The following HMBOX1 variants were observed in gnomAD, a reference collection of about 807,000 sequenced individuals.
HMBOX1 encodes homeobox containing 1.
In HMBOX1, 14 loss-of-function variants were observed where a neutral mutation model predicts 54.5. The ratio of observed to expected loss-of-function variants is 0.26; its 90% CI spans 0.17 to 0.40. The LOEUF (loss-of-function observed/expected upper bound fraction) is 0.40. HMBOX1 is among the 10% of genes least tolerant of loss of function. The probability of loss-of-function intolerance (pLI) is 1.00; values close to 1 mark genes in which losing one functional copy is unlikely to be tolerated. For synonymous variants in HMBOX1, 160 were observed against 181.0 expected (o/e 0.88, Z 0.93); for missense variants, 332 against 514.4 (o/e 0.65, Z 3.43).
At chr8:28,900,265 A>ATATATATATATATATATATAT (rs1311095400) in intron 1 of HMBOX1, among the ~76,000 whole-genome samples, 1 of 39,816 alleles carries the variant, frequency 2.5e-5, no homozygotes, top group Non-Finnish European at 8.2e-5. Flanking sequence ...AAAAAAAAAA[A>ATATATATATATATATATATAT]AAAAAAATAT....
At chr8:28,900,271 A>AAAATATATATATAT (rs747317282) in intron 1 of HMBOX1, among the ~76,000 whole-genome samples, 1 of 70,334 alleles carries the variant, frequency 1.4e-5, no homozygotes, top group African/African-American at 4.6e-5. Context: ...AAAAAAAAAA[A>AAAATATATATATAT]ATATATATAT....
At chr8:28,966,768 C>T (rs1411328192) in intron 2 of HMBOX1, among the ~76,000 whole-genome samples, 2 of 152,174 alleles carry the variant, frequency 1.3e-5, no homozygotes, top group South Asian at 4.1e-4. Flanking sequence ...TTGTTATGCT[C>T]TTAATCACTT....
chr8:29,010,018 A>G (rs1834022614), intron 5 of HMBOX1: 1 of 984,536 alleles, frequency 1.0e-6, no homozygotes, highest in Non-Finnish European at 1.2e-6. Context: ...GCTCTGAGGT[A>G]GAAATAAAGA....
At chr8:29,011,815 C>T (rs1209575680) in intron 5 of HMBOX1, among the ~76,000 whole-genome samples, 3 of 152,026 alleles carry the variant, frequency 2.0e-5, no homozygotes, top group Non-Finnish European at 4.4e-5. Flanking sequence ...GAAGGTAGAA[C>T]TAGGGAATTG....
At chr8:29,026,501 A>C (rs1445761214) in intron 6 of HMBOX1, among the ~76,000 whole-genome samples, 1 of 152,148 alleles carries the variant, frequency 6.6e-6, no homozygotes, top group African/African-American at 2.4e-5. Context: ...GCCTTAAATA[A>C]GTGAAGTTTT....
chr8:28,908,036 A>G (rs750017521), intron 1 of HMBOX1, among the ~76,000 whole-genome samples: 5 of 151,910 alleles, frequency 3.3e-5, no homozygotes, highest in Non-Finnish European at 7.4e-5. Flanking sequence ...TATTTTTTGT[A>G]GAGATGAGAT....
intron 1 of HMBOX1, among the ~76,000 whole-genome samples, chr8:28,947,065 A>T (rs970575191): frequency 2.0e-5 from 3 of 152,216 alleles, no homozygotes; most frequent in African/African-American, 7.2e-5. Flanking sequence ...TGTGATGCTT[A>T]TCTGTAGCCC....
chr8:28,973,097 C>T (rs1233271246), intron 3 of HMBOX1, among the ~76,000 whole-genome samples: 1 of 152,168 alleles, frequency 6.6e-6, no homozygotes, highest in Non-Finnish European at 1.5e-5. Flanking sequence ...TGCTGCACTC[C>T]TGCTTTCCTC....
At chr8:29,000,240 A>T (rs1177451514) in intron 4 of HMBOX1, among the ~76,000 whole-genome samples, 1 of 152,206 alleles carries the variant, frequency 6.6e-6, no homozygotes, top group Non-Finnish European at 1.5e-5. Context: ...TATTGGGCAT[A>T]CCTTTAATGC....
intron 4 of HMBOX1, among the ~76,000 whole-genome samples, chr8:28,986,426 A>G (rs1036009559): frequency 6.6e-6 from 1 of 152,216 alleles, no homozygotes; most frequent in Admixed American, 6.5e-5. Flanking sequence ...TATGTCACAG[A>G]CTGTGGAATT....
chr8:28,929,717 C>G (rs191095984), intron 1 of HMBOX1, among the ~76,000 whole-genome samples: 4 of 152,222 alleles, frequency 2.6e-5, no homozygotes, highest in African/African-American at 9.6e-5. Context: ...GTTGAATATG[C>G]ATGTCTGGAG....
At chr8:29,021,859 CAA>C (rs36163977) in intron 6 of HMBOX1, among the ~76,000 whole-genome samples, 10 of 103,010 alleles carry the variant, frequency 9.7e-5, no homozygotes, top group Admixed American at 3.1e-4. Flanking sequence ...GACTCCGTCT[CAA>C]AAAAAAAAAA....
chr8:28,945,446 A>G (rs1273491229), intron 1 of HMBOX1, among the ~76,000 whole-genome samples: 2 of 152,246 alleles, frequency 1.3e-5, no homozygotes, highest in Non-Finnish European at 2.9e-5. Context: ...TTACTTTGTT[A>G]ACTATGTATA....
At chr8:28,981,578 A>G (rs944291416) in intron 4 of HMBOX1, among the ~76,000 whole-genome samples, 25 of 152,332 alleles carry the variant, frequency 1.6e-4, no homozygotes, top group Admixed American at 1.4e-3. Flanking sequence ...CCTAAAACTA[A>G]AAAGACAAAA....
At chr8:28,929,400 A>G (rs560246445) in intron 1 of HMBOX1, among the ~76,000 whole-genome samples, 1 of 152,316 alleles carries the variant, frequency 6.6e-6, no homozygotes, top group South Asian at 2.1e-4. Flanking sequence ...CTGATCAAAT[A>G]AAGGTGATGG....
chr8:28,926,527 G>A (rs1818543529), intron 1 of HMBOX1, among the ~76,000 whole-genome samples: 1 of 152,106 alleles, frequency 6.6e-6, no homozygotes, highest in African/African-American at 2.4e-5. Flanking sequence ...ATTGACTGGA[G>A]TAAACTTTAT....
In HMBOX1 at chr8:28,955,546, CA is replaced by C. The variant is rs574975122; in HGVS notation, c.-57-8262del. 4.8e-4 allele frequency among the ~76,000 whole-genome samples: 73 copies of C among 152,196 alleles called. No homozygotes were observed. The South Asian group carries it at 0.015, about 32-fold the overall frequency. On this transcript the variant is annotated intron_variant, in intron 1 of 9. Transcript: ENST00000287701. ...CAACACTGCATTAAATAAATTCTAC[CA>C]AAGTACTTGATAAAACTCTAATTCT...
chr8:28,963,875 G>T lies in HMBOX1; in HGVS notation c.8G>T (p.Ser3Ile). ...ATCCGCCTCATGTAAAGTATGCTTA[G>T]TTCCTTTCCAGTGGTGTAAGTATCA... is the stretch of plus-strand genomic sequence containing the variant. ML[S>I]SFPVVLLETM... The change falls in exon 2 of 10, where the codon AGT becomes ATT. Residue 3 changes from serine to isoleucine, a missense_variant. Transcript: ENST00000287701. 6.2e-7 allele frequency: 1 copy of T among 1,602,314 alleles called. No individual in the cohort carries two copies. The highest frequency in any genetic ancestry group is 8.5e-7 in the Non-Finnish European group (1 of 1,173,280).
intron 6 of HMBOX1, among the ~76,000 whole-genome samples, chr8:29,040,930 T>A (rs1238916369): frequency 1.3e-5 from 2 of 152,164 alleles, no homozygotes; most frequent in African/African-American, 4.8e-5. Flanking sequence ...AATTCTAGTT[T>A]AGCTTCCAGA....
Sources: gnomAD v4.1 joint callset for allele counts (sites outside exome capture counted in the v4.1 genomes callset) on GRCh38, gnomAD v4.1.1 for gene constraint, MANE v1.5 for transcripts, NCBI Gene and HGNC (gene_info 2026-07-23, HGNC 2026-07-21) for gene names.